Variants in PTPRD observed in about 807,000 individuals in gnomAD.
The protein encoded by PTPRD is protein tyrosine phosphatase receptor type D, also known as receptor-type tyrosine-protein phosphatase delta.
Under a neutral mutation model 214.5 loss-of-function variants are expected in PTPRD, and 34 were observed. The ratio of observed to expected loss-of-function variants is 0.16; its 90% confidence interval spans 0.12 to 0.21. The LOEUF is 0.21. Ranked by LOEUF, PTPRD falls within the 10% of genes least tolerant of loss-of-function variation. The pLI is 1.00. For missense variants in PTPRD, 2,545 were observed against 2,398.7 expected (o/e 1.06, Z -1.27); for synonymous variants, 1,128 against 845.7 (o/e 1.33, Z -5.79).
chr9:8,585,026 A>G (rs988021065), intron 14 of PTPRD, among the ~76,000 whole-genome samples: 4 of 152,186 alleles, frequency 2.6e-5, no homozygotes, highest in African/African-American at 9.7e-5. Context: ...GTTCCCTCTC[A>G]TAACACGTGG....
At chr9:9,650,887 TATAA>T (rs1327568542) in intron 7 of PTPRD, among the ~76,000 whole-genome samples, 4 of 152,054 alleles carry the variant, frequency 2.6e-5, no homozygotes, top group Non-Finnish European at 4.4e-5. Context: ...TTAGCTAAAA[TATAA>T]ATAAATGTTA....
chr9:8,592,473 C>T (rs979633847), intron 14 of PTPRD, among the ~76,000 whole-genome samples: 2 of 152,154 alleles, frequency 1.3e-5, no homozygotes, highest in Non-Finnish European at 2.9e-5. Flanking sequence ...GCTCTGGGAA[C>T]GTGCACAGCT....
At chr9:9,327,565 C>T (rs1351860818) in intron 9 of PTPRD, among the ~76,000 whole-genome samples, 1 of 152,062 alleles carries the variant, frequency 6.6e-6, no homozygotes, top group Non-Finnish European at 1.5e-5. Context: ...CAGCCATATC[C>T]ATGACAGATA....
chr9:9,809,212 A>T (rs1313506244), intron 5 of PTPRD, among the ~76,000 whole-genome samples: 1 of 150,278 alleles, frequency 6.7e-6, no homozygotes, highest in Non-Finnish European at 1.5e-5. Context: ...GTCTATTGTC[A>T]GTTCATTTCA....
intron 11 of PTPRD, among the ~76,000 whole-genome samples, chr9:9,004,885 G>A (rs1400367657): frequency 1.3e-5 from 2 of 151,994 alleles, no homozygotes; most frequent in Non-Finnish European, 2.9e-5. Context: ...TCCAAACTGG[G>A]CTTATTTTCA....
chr9:8,349,595 C>T (rs957294180), intron 39 of PTPRD, among the ~76,000 whole-genome samples: 1 of 152,128 alleles, frequency 6.6e-6, no homozygotes, highest in Non-Finnish European at 1.5e-5. Context: ...AACTGATAAA[C>T]CACCCTTATT....
At chr9:9,257,230 G>A (rs2099978117) in intron 9 of PTPRD, among the ~76,000 whole-genome samples, 1 of 151,934 alleles carries the variant, frequency 6.6e-6, no homozygotes, top group Non-Finnish European at 1.5e-5. Context: ...GGGAAACTCT[G>A]AGCAGAAGGA....
intron 11 of PTPRD, among the ~76,000 whole-genome samples, chr9:8,979,221 A>G (rs1043985232): frequency 1.3e-5 from 2 of 152,182 alleles, no homozygotes; most frequent in African/African-American, 4.8e-5. Flanking sequence ...AGCTAACAAA[A>G]TTATTATGAA....
intron 2 of PTPRD, among the ~76,000 whole-genome samples, chr9:10,496,939 G>A (rs190923775): frequency 2.6e-5 from 4 of 151,820 alleles, no homozygotes; most frequent in African/African-American, 9.7e-5. Flanking sequence ...TTATTTTTCT[G>A]TGCAGAAGCA....
intron 11 of PTPRD, among the ~76,000 whole-genome samples, chr9:8,985,194 A>G (rs1164926100): frequency 6.6e-6 from 1 of 152,092 alleles, no homozygotes; most frequent in African/African-American, 2.4e-5. Flanking sequence ...AGAAGTTTTT[A>G]GGAGAACAAC....
At chr9:9,735,307 A>G (rs956493970) in intron 6 of PTPRD, among the ~76,000 whole-genome samples, 8 of 152,074 alleles carry the variant, frequency 5.3e-5, no homozygotes, top group Non-Finnish European at 1.0e-4. Context: ...GAAATATTGA[A>G]CTTCTAACCA....
At chr9:8,340,049 A>G (rs189067171) in intron 42 of PTPRD, among the ~76,000 whole-genome samples, 3 of 152,142 alleles carry the variant, frequency 2.0e-5, no homozygotes, top group African/African-American at 7.2e-5. Context: ...GGCAGTAAGA[A>G]TATGCTAAAA....
At chr9:9,256,980 C>A (rs1006489444) in intron 9 of PTPRD, among the ~76,000 whole-genome samples, 8 of 152,072 alleles carry the variant, frequency 5.3e-5, no homozygotes, top group Non-Finnish European at 1.5e-5. Flanking sequence ...TGCCCCACTT[C>A]TCTAAGACAG....
At chr9:9,298,904 G>A (rs1318164081) in intron 9 of PTPRD, among the ~76,000 whole-genome samples, 1 of 151,728 alleles carries the variant, frequency 6.6e-6, no homozygotes, top group Non-Finnish European at 1.5e-5. Context: ...GCTTAAAAAT[G>A]TTTCCATCAC....
intron 2 of PTPRD, among the ~76,000 whole-genome samples, chr9:10,433,264 T>G (rs2098695268): frequency 6.6e-6 from 1 of 151,984 alleles, no homozygotes; most frequent in Admixed American, 6.6e-5. Context: ...TCTTGTGCCA[T>G]TTGCTGTCTT....
At chr9:8,964,872 T>A (rs978651073) in intron 11 of PTPRD, among the ~76,000 whole-genome samples, 2 of 152,138 alleles carry the variant, frequency 1.3e-5, no homozygotes, top group African/African-American at 4.8e-5. Context: ...ATCTTTTTGG[T>A]ATTGATTTCT....
At chr9:9,332,506 G>C (rs1054872433) in intron 9 of PTPRD, among the ~76,000 whole-genome samples, 5 of 150,884 alleles carry the variant, frequency 3.3e-5, no homozygotes, top group Non-Finnish European at 4.4e-5. Flanking sequence ...AAGTAAATGC[G>C]ATAGTCGAGG....
At chr9:9,596,338 A>G (rs1205630166) in intron 7 of PTPRD, among the ~76,000 whole-genome samples, 1 of 151,980 alleles carries the variant, frequency 6.6e-6, no homozygotes, top group Non-Finnish European at 1.5e-5. Flanking sequence ...CACATATATT[A>G]TATAGAAATA....
At chr9:9,647,988 T>A (rs2096240551) in intron 7 of PTPRD, among the ~76,000 whole-genome samples, 1 of 152,162 alleles carries the variant, frequency 6.6e-6, no homozygotes, top group African/African-American at 2.4e-5. Context: ...TACAATAATT[T>A]TTTAAAAACT....
Sources: gnomAD v4.1 joint callset for allele counts (sites outside exome capture counted in the v4.1 genomes callset) on GRCh38, gnomAD v4.1.1 for gene constraint, MANE v1.5 for transcripts, NCBI Gene and HGNC (gene_info 2026-07-23, HGNC 2026-07-21) for gene names.